F5: variants seen among roughly 807,000 people sequenced by gnomAD.
The protein encoded by F5 is coagulation factor V.
A neutral mutation model predicts 216.4 loss-of-function variants in F5; 138 were observed. That is an observed-to-expected ratio of 0.64 (90% CI 0.56 to 0.73). The LOEUF is 0.73. Ranked by LOEUF, F5 falls within the 30% of genes least tolerant of loss-of-function variation. The pLI, the probability that F5 is intolerant of heterozygous loss-of-function variation, is 0.00. For missense variants in F5, 2,403 were observed against 2,674.0 expected (o/e 0.90, Z 2.24); for synonymous variants, 916 against 930.7 (o/e 0.98, Z 0.29).
chr1:169,536,530 T>C lies in F5; in HGVS notation c.4947A>G (p.Arg1649=), dbSNP rs769973165. 6.2e-7 allele frequency: 1 copy of C among 1,613,496 alleles called. No homozygotes were observed. The highest frequency in any genetic ancestry group is 1.7e-4 in the Middle Eastern group (1 of 6,058). ...EHLGILGPII[R]AEVDDVIQVR... ...CTTGGATAACATCATCCACTTCAGC[T>C]CTGATAATAGGACCAAGAATTCCGA... is the stretch of plus-strand genomic sequence containing the variant. The change falls in exon 14 of 25, where the codon AGA becomes AGG. Residue 1649 remains arginine (R), a synonymous_variant. Coordinates refer to ENST00000367797, the MANE Select transcript of F5 (RefSeq NM_000130.5).
intron 2 of F5, among the ~76,000 whole-genome samples, chr1:169,575,546 T>C (rs975855766): frequency 2.6e-5 from 4 of 152,064 alleles, no homozygotes; most frequent in African/African-American, 9.7e-5. Flanking sequence ...AGAGAACAGA[T>C]AGAAGACTCC....
chr1:169,526,017 C>T lies in F5; in HGVS notation c.5600G>A (p.Gly1867Asp), dbSNP rs756675239. 2.5e-6 allele frequency: 4 copies of T among 1,600,202 alleles called. No homozygotes were observed. The South Asian group carries it at 3.3e-5, about 13-fold the overall frequency. ...CTTCATTTCAAGAGTTTTAAATGAA[C>T]CTAAAATAAAAAGAACAACATTACA... is the stretch of plus-strand genomic sequence containing the variant. Reference protein sequence around the residue: ...HQLGVWPLLPGSFKTLEMKAS... With the variant: ...HQLGVWPLLPDSFKTLEMKAS... Residue 1867 changes from glycine (G) to aspartate (D), a missense_variant and splice_region_variant, in exon 18 of 25, where the codon GGT becomes GAT. Transcript: ENST00000367797.
At chr1:169,570,089 T>C (rs932201252) in intron 3 of F5, among the ~76,000 whole-genome samples, 6 of 152,166 alleles carry the variant, frequency 3.9e-5, no homozygotes, top group South Asian at 4.1e-4. Context: ...TCCCTACCAA[T>C]ATGTATTTAC....
intron 10 of F5, among the ~76,000 whole-genome samples, chr1:169,548,021 C>A (rs997215424): frequency 1.3e-5 from 2 of 152,034 alleles, no homozygotes; most frequent in Admixed American, 6.6e-5. Context: ...TCAAAAAGAA[C>A]AAGATTATGT....
rs1661013714 is a variant in F5, at chr1:169,582,530, T to A, written c.159-8A>T. On this transcript the variant is annotated splice_polypyrimidine_tract_variant and splice_region_variant and intron_variant, in intron 1 of 24. Coordinates refer to ENST00000367797, the MANE Select transcript of F5 (RefSeq NM_000130.5). ...GTTACAGAAAGATTCAAACTGGAAA[T>A]AAAATACAAAAACTAATTTGAAAGG... 2.0e-6 allele frequency: 3 copies of A among 1,472,654 alleles called. No homozygotes were observed. The highest frequency in any genetic ancestry group is 2.8e-6 in the Non-Finnish European group (3 of 1,057,302). The allele number at this position is 1,472,654 out of a possible 1,614,324, so 91.2% of individuals were successfully genotyped here. A position where few individuals can be genotyped will look rare whatever the true frequency, so the allele number is the denominator to read the frequency against.
rs574649484 is a variant in F5 at position 169,525,318 on chromosome 1, CA to C, written c.5717-411del. On this transcript the variant is annotated intron_variant, in intron 18 of 24. Coordinates refer to ENST00000367797, the MANE Select transcript of F5 (RefSeq NM_000130.5). ...TTGATCTTGGGCAACCTCTTCTCTA[CA>C]AAAAAAATAAAAATACAAAATATAA... is the stretch of plus-strand genomic sequence containing the variant. Among the ~76,000 whole-genome samples the C allele has an allele frequency of 9.9e-4, 149 of 151,188 alleles. 1 individual carries two copies. The highest frequency in any genetic ancestry group is 3.4e-3 in the African/African-American group (141 of 41,196).
intron 10 of F5, among the ~76,000 whole-genome samples, chr1:169,547,506 GC>G (rs1330303209): frequency 6.6e-6 from 1 of 151,892 alleles, no homozygotes; most frequent in Non-Finnish European, 1.5e-5. Flanking sequence ...AAAACAAACA[GC>G]CCCATTAAAA....
rs1659116229 is a variant in F5, at chr1:169,514,566, C to T, written c.6529-107G>A. 4.3e-6 allele frequency: 4 copies of T among 919,870 alleles called. No individual in the cohort carries two copies. In the South Asian group the frequency reaches 5.9e-5, roughly 14 times the overall value. 57.0% of individuals were successfully genotyped at this position (919,870 alleles called of 1,614,324 possible). A position where few individuals can be genotyped will look rare whatever the true frequency, so the allele number is the denominator to read the frequency against. On this transcript the variant is annotated intron_variant, in intron 24 of 24. Coordinates refer to ENST00000367797, the MANE Select transcript of F5 (RefSeq NM_000130.5). Reference sequence around the variant, plus strand: ...CTTATTCTGTTGCCCAGGCTTGAGTCCAGTGGCACAGTCATGGCTCACTGC... The same window carrying T: ...CTTATTCTGTTGCCCAGGCTTGAGTTCAGTGGCACAGTCATGGCTCACTGC...
intron 4 of F5, among the ~76,000 whole-genome samples, chr1:169,559,932 C>T (rs1660429919): frequency 6.6e-6 from 1 of 152,100 alleles, no homozygotes; most frequent in South Asian, 2.1e-4. Flanking sequence ...GAGTCCATCA[C>T]GTTATTTCCC....
chr1:169,552,566 G>C lies in F5; in HGVS notation c.1287C>G (p.Asp429Glu). ...TATTTGTGTTACTTACTTTGAGTGT[G>C]TCTCTGACCTGGGCTCTGATAATAG... ...LGPIIRAQVR[D>E]TLKIVFKNMA... The change falls in exon 8 of 25, where the codon GAC becomes GAG. Residue 429 changes from aspartate (D) to glutamate (E), a missense_variant. Asp to Glu is a conservative substitution (Grantham distance 45, BLOSUM62 2). This residue lies in a region of F5 where 1,425 missense variants were observed against 1,554.8 expected (regional missense o/e 0.92). Transcript: ENST00000367797. 1 of 1,613,082 alleles carries C rather than the reference G, an allele frequency of 6.2e-7. No individual in the cohort carries two copies. The highest frequency in any genetic ancestry group is 8.5e-7 in the Non-Finnish European group (1 of 1,179,280).
chr1:169,536,722 A>G (rs1557912673), intron 13 of F5, 42 bp from the exon 14 acceptor site: 16 of 1,519,882 alleles, frequency 1.1e-5, no homozygotes, highest in Non-Finnish European at 1.5e-5. Flanking sequence ...GAAATTAAAG[A>G]CTGTTCCCAG....
In F5 at chr1:169,544,439, T is replaced by TGC. The variant is rs1571577365; in HGVS notation, c.1830_1831dup (p.His611ArgfsTer13). ...ATTCTGGGTCCCCACACTACAGAAG[T>TGC]GCCACTGGACAGTGTCATCAAAGCA... On this transcript the variant is annotated frameshift_variant, in exon 12 of 25. Transcript: ENST00000367797. LOFTEE classifies it high-confidence loss of function. The TGC allele has an allele frequency of 6.2e-7, 1 of 1,614,180 alleles. No individual in the cohort carries two copies.
At chr1:169,524,713 G>T in intron 19 of F5, 124 bp downstream of exon 19, 1 of 834,912 alleles carries the variant, frequency 1.2e-6, no homozygotes, top group Non-Finnish European at 2.1e-6. Context: ...TCACTACATT[G>T]TAGTAGAGAA....
chr1:169,567,885 C>G (rs1481285731), intron 3 of F5, among the ~76,000 whole-genome samples: 1 of 152,112 alleles, frequency 6.6e-6, no homozygotes, highest in East Asian at 1.9e-4. Context: ...TTAGAACACA[C>G]TGTCAATCTG....
intron 19 of F5, among the ~76,000 whole-genome samples, chr1:169,524,131 G>A (rs1659374297): frequency 6.6e-6 from 1 of 152,142 alleles, no homozygotes; most frequent in South Asian, 2.1e-4. Flanking sequence ...CTTGCACACA[G>A]GTCATGTTTG....
chr1:169,580,534 C>A (rs555439556), intron 2 of F5, among the ~76,000 whole-genome samples: 2 of 152,044 alleles, frequency 1.3e-5, no homozygotes, highest in East Asian at 3.9e-4. Flanking sequence ...CAGGCATGTA[C>A]CATCATGCAC....
In F5 at chr1:169,586,418, AC is replaced by A. The variant is rs765075962; in HGVS notation, c.-33del. On this transcript the variant is annotated 5_prime_UTR_variant, in exon 1 of 25. Transcript: ENST00000367797. ...TTTCCTGCTCCCGCTGGCTGCCACCACCCCAGGACCTGGGCAGCGCTTGCCG... is the reference window on the plus strand; with the variant it reads ...TTTCCTGCTCCCGCTGGCTGCCACCACCCAGGACCTGGGCAGCGCTTGCCG... The A allele has an allele frequency of 3.7e-6, 6 of 1,602,558 alleles. No homozygotes were observed. Among genetic ancestry groups the A allele is most frequent in the Non-Finnish European group, 3.4e-6 (4 of 1,177,206 alleles).
chr1:169,542,064 A>G lies in F5; in HGVS notation c.3026T>C (p.Leu1009Pro), dbSNP rs1338614662. The G allele has an allele frequency of 6.2e-7, 1 of 1,613,882 alleles. No individual in the cohort carries two copies. Among genetic ancestry groups the G allele is most frequent in the Non-Finnish European group, 8.5e-7 (1 of 1,179,994 alleles). The stretch of plus-strand genomic sequence containing the variant: ...CTTTCCTCCATCCTGTCTTACTTGT[A>G]GAGATTTATGTCTAACTCTAGGAAA... ...PKFPRVRHKS[L>P]QVRQDGGKSR... Residue 1009 changes from leucine to proline, a missense_variant, in exon 13 of 25, where the codon CTA (leucine) becomes CCA (proline). Physicochemically the swap from Leu to Pro is moderately conservative, Grantham distance 98. This residue lies in a region of F5 where 1,425 missense variants were observed against 1,554.8 expected (regional missense o/e 0.92). Transcript: ENST00000367797.
intron 2 of F5, among the ~76,000 whole-genome samples, chr1:169,578,275 T>A (rs939635240): frequency 1.3e-5 from 2 of 152,106 alleles, no homozygotes; most frequent in African/African-American, 2.4e-5. Flanking sequence ...TACACAGGGG[T>A]TGACAGAAAG....
Sources: gnomAD v4.1 joint callset for allele counts (sites outside exome capture counted in the v4.1 genomes callset) on GRCh38, gnomAD v4.1.1 for gene constraint, gnomAD v4.1.1 regional missense constraint, MANE v1.5 for transcripts, NCBI Gene and HGNC (gene_info 2026-07-23, HGNC 2026-07-21) for gene names.